The following LPO variants were observed in gnomAD, a reference collection of about 807,000 sequenced individuals.
LPO encodes the protein lactoperoxidase.
In LPO, 70 loss-of-function variants were observed where a neutral mutation model predicts 68.4. The observed-to-expected ratio is 1.02, with a 90% confidence interval of 0.84 to 1.25. LPO has a LOEUF of 1.25. Among genes scored for constraint, LPO ranks in the 50% most tolerant of loss-of-function variants. LPO has a pLI of 0.00. For missense variants in LPO, 873 were observed against 908.4 expected (o/e 0.96, Z 0.50); for synonymous variants, 360 against 357.6 (o/e 1.01, Z -0.08).
intron 3 of LPO, among the ~76,000 whole-genome samples, chr17:58,246,253 A>T (rs1969850801): frequency 6.6e-6 from 1 of 152,196 alleles, no homozygotes; most frequent in Non-Finnish European, 1.5e-5. Flanking sequence ...AAGGAGGATC[A>T]CGCATAAGGT....
chr17:58,241,992 T>C (rs1286684837), intron 1 of LPO, among the ~76,000 whole-genome samples: 1 of 152,168 alleles, frequency 6.6e-6, no homozygotes, highest in Non-Finnish European at 1.5e-5. Flanking sequence ...CTGAGGCTGC[T>C]CTCCTTAGTG....
Position 58,238,749 on chromosome 17 carries a change from G to A in LPO, c.-3+10G>A, listed in dbSNP as rs533106401. The A allele has an allele frequency of 8.5e-5, 13 of 152,252 alleles. 1 individual carries two copies. The Middle Eastern group carries it at 0.014, about 159-fold the overall frequency. 9.4% of individuals were successfully genotyped at this position (152,252 alleles called of 1,614,324 possible). A position where few individuals can be genotyped will look rare whatever the true frequency, so the allele number is the denominator to read the frequency against. On this transcript the variant is annotated intron_variant, in intron 1 of 12. Coordinates refer to ENST00000262290, the MANE Select transcript of LPO (RefSeq NM_006151.3). ...ACAAGGCACTGGGCAGGTAAGACTC[G>A]TCAACTTTCATCTTTCCTGGTTTCT...
At chr17:58,263,403 C>T (rs999903137) in intron 9 of LPO, among the ~76,000 whole-genome samples, 2 of 152,162 alleles carry the variant, frequency 1.3e-5, no homozygotes, top group Non-Finnish European at 2.9e-5. Flanking sequence ...GTATCTTAGA[C>T]ATTTTGGTTG....
rs777578810 is a variant in LPO, at chr17:58,267,978, C to G, written c.2123C>G (p.Ala708Gly). ...AIDKLDLSPW[A>G]SVKN ...GACAAGCTGGACCTGTCACCCTGGG[C>G]CTCAGTGAAGAATTAGGGGCCCGCG... The change falls in exon 13 of 13, where the codon GCC (alanine) becomes GGC (glycine). Residue 708 changes from alanine to glycine, a missense_variant. Transcript: ENST00000262290. The G allele has an allele frequency of 2.0e-5, 33 of 1,613,682 alleles. No homozygotes were observed. The highest frequency in any genetic ancestry group is 2.7e-5 in the African/African-American group (2 of 74,914).
At position 58,263,367 on chromosome 17, in the gene LPO, C is replaced by G. The variant is rs576264844; in HGVS notation, c.1267-1355C>G. Among the ~76,000 whole-genome samples, 82 of 152,254 alleles carry G rather than the reference C, an allele frequency of 5.4e-4. 1 individual carries two copies. Among genetic ancestry groups the G allele is most frequent in the African/African-American group, 1.9e-3 (80 of 41,550 alleles). On this transcript the variant is annotated intron_variant, in intron 9 of 12. Coordinates refer to ENST00000262290, the MANE Select transcript of LPO (RefSeq NM_006151.3). ...TACTCAAAACGTGGCATTTCTGGCT[C>G]TTGGTATTATGAGTGATTTTCAGTT...
chr17:58,267,645 C>T (rs1182217332), intron 12 of LPO, 59 bp downstream of exon 12: 8 of 1,513,426 alleles, frequency 5.3e-6, no homozygotes, highest in Non-Finnish European at 7.2e-6. Flanking sequence ...AGGGGTGTCC[C>T]AAGGTCCTGC....
intron 10 of LPO, among the ~76,000 whole-genome samples, chr17:58,265,717 G>T (rs1170135504): frequency 1.3e-5 from 2 of 151,180 alleles, no homozygotes; most frequent in South Asian, 2.1e-4. Context: ...TTGTAGCTGG[G>T]ATTACAAGGC....
intron 9 of LPO, among the ~76,000 whole-genome samples, chr17:58,262,596 T>C (rs1454279466): frequency 6.6e-6 from 1 of 152,164 alleles, no homozygotes; most frequent in Admixed American, 6.5e-5. Flanking sequence ...TTTCACCATG[T>C]TGGCCAGGCT....
At chr17:58,255,286 G>A (rs1038244174) in intron 9 of LPO, among the ~76,000 whole-genome samples, 1 of 152,156 alleles carries the variant, frequency 6.6e-6, no homozygotes, top group Non-Finnish European at 1.5e-5. Flanking sequence ...CTGCTACATC[G>A]CAGTGATTTG....
chr17:58,252,792 G>A (rs1222041305), intron 8 of LPO, among the ~76,000 whole-genome samples: 2 of 152,016 alleles, frequency 1.3e-5, no homozygotes, highest in African/African-American at 4.8e-5. Flanking sequence ...GGGAGGCCGA[G>A]GCAGGCAGAT....
intron 9 of LPO, among the ~76,000 whole-genome samples, chr17:58,257,893 T>C (rs1436335019): frequency 6.6e-6 from 1 of 152,256 alleles, no homozygotes; most frequent in African/African-American, 2.4e-5. Context: ...TCAATGATGT[T>C]GAGCACCTTT....
At chr17:58,249,004 C>T (rs1178100016) in intron 4 of LPO, 56 bp from the exon 5 acceptor site, 3 of 1,344,210 alleles carry the variant, frequency 2.2e-6, no homozygotes, top group Non-Finnish European at 3.2e-6. Context: ...CTGCCTCCCA[C>T]GGGTGCCTGT....
At chr17:58,264,551 T>G (rs1970224333) in intron 9 of LPO, among the ~76,000 whole-genome samples, 171 bp from the exon 10 acceptor site, 1 of 152,250 alleles carries the variant, frequency 6.6e-6, no homozygotes, top group African/African-American at 2.4e-5. Flanking sequence ...CATGATTGAT[T>G]AGCAATGTCT....
rs1055267345 is a variant in LPO, at chr17:58,266,420, A to C, written c.1693+94A>C. On this transcript the variant is annotated intron_variant, in intron 11 of 12. Coordinates refer to ENST00000262290, the MANE Select transcript of LPO (RefSeq NM_006151.3). ...CTTCTATAACCCTGAGGATCTGATC[A>C]TCTGATCAATTCTGAAACAAAAGTC... The C allele has an allele frequency of 2.2e-6, 3 of 1,359,970 alleles. No individual in the cohort carries two copies. In the African/African-American group the frequency reaches 4.4e-5, roughly 20 times the overall value. The allele number at this position is 1,359,970 out of a possible 1,614,324, so 84.2% of individuals were successfully genotyped here. A position where few individuals can be genotyped will look rare whatever the true frequency, so the allele number is the denominator to read the frequency against.
At position 58,267,494 on chromosome 17, in the gene LPO, C is replaced by T. The variant is rs1970291894; in HGVS notation, c.1839C>T (p.Ala613=). The T allele has an allele frequency of 6.2e-7, 1 of 1,614,096 alleles. No individual in the cohort carries two copies. Among genetic ancestry groups the T allele is most frequent in the African/African-American group, 1.3e-5 (1 of 74,936 alleles). The change falls in exon 12 of 13, where the codon GCC becomes GCT. Residue 613 remains alanine, a synonymous_variant. Transcript: ENST00000262290. ...TPDNIDIWIG[A]IAEPLVERGR... is the part of the protein sequence containing the mutation. Reference sequence around the variant, plus strand: ...ACAACATCGACATCTGGATAGGGGCCATTGCTGAGCCGCTGGTGGAAAGGG... The same window carrying T: ...ACAACATCGACATCTGGATAGGGGCTATTGCTGAGCCGCTGGTGGAAAGGG...
At chr17:58,254,727 T>TG (rs1970036878) in intron 8 of LPO, 84 bp from the exon 9 acceptor site, 2 of 1,441,752 alleles carry the variant, frequency 1.4e-6, no homozygotes, top group Non-Finnish European at 1.9e-6. Flanking sequence ...CGCGGTCCTG[T>TG]GGGGCACCAT....
intron 5 of LPO, 132 bp from the exon 6 acceptor site, chr17:58,249,434 C>T (rs1969914410): frequency 7.3e-7 from 1 of 1,362,374 alleles, no homozygotes; most frequent in South Asian, 1.5e-5. Context: ...AGTTCAGAGA[C>T]CCCAAATTTG....
At chr17:58,267,053 ATTAC>A (rs1328787804) in intron 11 of LPO, among the ~76,000 whole-genome samples, 2 of 152,210 alleles carry the variant, frequency 1.3e-5, no homozygotes. Context: ...CTTTGGGCAA[ATTAC>A]TTAACATTTC....
chr17:58,255,678 G>C (rs1447809512), intron 9 of LPO, among the ~76,000 whole-genome samples: 1 of 152,140 alleles, frequency 6.6e-6, no homozygotes, highest in Admixed American at 6.5e-5. Context: ...CAGATTATTA[G>C]ATTCTAAGAA....
Sources: allele counts gnomAD v4.1 joint callset (sites outside exome capture counted in the v4.1 genomes callset), GRCh38; gene constraint gnomAD v4.1.1; transcripts MANE v1.5; gene names NCBI Gene and HGNC (gene_info 2026-07-23, HGNC 2026-07-21).